The following FZD4 variants were observed in gnomAD, a reference collection of about 807,000 sequenced individuals.
The protein encoded by FZD4 is frizzled class receptor 4.
FZD4 carries 16 observed loss-of-function variants against 37.3 expected under a neutral mutation model. The ratio of observed to expected loss-of-function variants is 0.43; its 90% confidence interval spans 0.29 to 0.65. FZD4 has a LOEUF of 0.65. FZD4 is among the 30% of genes least tolerant of loss of function. The pLI, the probability that FZD4 is intolerant of heterozygous loss-of-function variation, is 0.16. For synonymous variants in FZD4, 246 were observed against 254.8 expected (o/e 0.97, Z 0.33); for missense variants, 599 against 674.3 (o/e 0.89, Z 1.24).
chr11:86,952,307 G>C lies in FZD4; in HGVS notation c.449C>G (p.Pro150Arg). The change falls in exon 2 of 2, where the codon CCA becomes CGA. Residue 150 changes from proline to arginine, a missense_variant. Physicochemically the swap from Pro to Arg is moderately radical, Grantham distance 103. Transcript: ENST00000531380. ...GCACATGTGGTTGTGGTCGTTCTGTGGTGGGAATTTGCTGCAGTTCAGACT... is the reference window on the plus strand; with the variant it reads ...GCACATGTGGTTGTGGTCGTTCTGTCGTGGGAATTTGCTGCAGTTCAGACT... ...PESLNCSKFP[P>R]QNDHNHMCME... is the part of the protein sequence containing the mutation. The C allele has an allele frequency of 2.5e-6, 4 of 1,614,142 alleles. No homozygotes were observed. Among genetic ancestry groups the C allele is most frequent in the Non-Finnish European group, 3.4e-6 (4 of 1,180,014 alleles).
chr11:86,954,562 G>A (rs1283278942), intron 1 of FZD4: 2 of 985,252 alleles, frequency 2.0e-6, no homozygotes, highest in Non-Finnish European at 2.4e-6. Flanking sequence ...AGACATGGGT[G>A]GGCAAGAGAG....
Position 86,951,900 on chromosome 11 carries a change from C to A in FZD4, c.856G>T (p.Glu286Ter), listed in dbSNP as rs1949295777. The change falls in exon 2 of 2, where the codon GAG (glutamate) becomes TAG (stop). Residue 286 changes from glutamate to a stop codon, truncating the protein, a stop_gained. Coordinates refer to ENST00000531380, the MANE Select transcript of FZD4 (RefSeq NM_012193.4). LOFTEE classifies it high-confidence loss of function. ...TGGATGAGAACAGGTTCTGCTGCCT[C>A]TTCAAAATCACAGGATATCCTTTCC... ...GRERISCDFE[E>*]AAEPVLIQEG... is the part of the protein sequence containing the mutation. 1 of 1,613,790 alleles carries A rather than the reference C, an allele frequency of 6.2e-7. No homozygotes were observed. Among genetic ancestry groups the A allele is most frequent in the African/African-American group, 1.3e-5 (1 of 75,038 alleles).
chr11:86,955,104 CAGCG>C lies in FZD4; in HGVS notation c.-23_-20del. On this transcript the variant is annotated 5_prime_UTR_variant, in exon 1 of 2. Coordinates refer to ENST00000531380, the MANE Select transcript of FZD4 (RefSeq NM_012193.4). ...AGGCCATGGCCAGCATCGGGGGTAGCAGCGGCAGCGGCTGGGGCTGCTCTGGCAG... is the reference window on the plus strand; with the variant it reads ...AGGCCATGGCCAGCATCGGGGGTAGCGCAGCGGCTGGGGCTGCTCTGGCAG... 1 of 1,466,050 alleles carries C rather than the reference CAGCG, an allele frequency of 6.8e-7. No homozygotes were observed. The highest frequency in any genetic ancestry group is 1.4e-5 in the South Asian group (1 of 70,582). 90.8% of individuals were successfully genotyped at this position (1,466,050 alleles called of 1,614,324 possible).
Position 86,954,949 on chromosome 11 carries a change from T to A in FZD4, c.137A>T (p.Asp46Val). ...CTGGCACATGGAGATGCGGATGGGG[T>A]CGCAGCGCCGCTCTTCCTCGTCCCC... ...GFGDEEERRCDPIRISMCQNL... is the reference protein window; with the variant it reads ...GFGDEEERRCVPIRISMCQNL... Residue 46 changes from aspartate (D) to valine (V), a missense_variant, in exon 1 of 2, where the codon GAC (aspartate) becomes GTC (valine). Around this residue, in one of 3 missense-constraint regions of FZD4, gnomAD observed 357 missense variants for 396.1 expected, o/e 0.90. Transcript: ENST00000531380. The A allele has an allele frequency of 6.2e-7, 1 of 1,612,582 alleles. No individual in the cohort carries two copies. The highest frequency in any genetic ancestry group is 8.5e-7 in the Non-Finnish European group (1 of 1,179,568).
In FZD4 at chr11:86,948,411, C is replaced by T. The variant is rs1949262127; in HGVS notation, c.*2731G>A. 1.3e-5 allele frequency: 2 copies of T among 151,962 alleles called. No homozygotes were observed. The allele number at this position is 151,962 out of a possible 1,614,324, so 9.4% of individuals were successfully genotyped here. On this transcript the variant is annotated 3_prime_UTR_variant, in exon 2 of 2. Transcript: ENST00000531380. ...AATAACTGATTTTTTTAACAAATAC[C>T]GATTTAAGAAGTGATGGAGTTGATT...
chr11:86,954,263 G>A, intron 1 of FZD4: 1 of 984,994 alleles, frequency 1.0e-6, no homozygotes, highest in Non-Finnish European at 1.2e-6. Context: ...TCAACTGTGA[G>A]GATAAGAAAG....
In FZD4 at chr11:86,954,783, G is replaced by T; in HGVS notation, c.285+18C>A. ...CTCCCCAAGGGGTCCCGCCAGGGGT[G>T]GGGGTGGGGGCGCCCACCTGCAGCT... On this transcript the variant is annotated intron_variant, in intron 1 of 1. Transcript: ENST00000531380. 1 of 1,589,630 alleles carries T rather than the reference G, an allele frequency of 6.3e-7. No individual in the cohort carries two copies. Among genetic ancestry groups the T allele is most frequent in the Non-Finnish European group, 8.6e-7 (1 of 1,168,612 alleles).
At position 86,951,370 on chromosome 11, in the gene FZD4, C is replaced by T; in HGVS notation, c.1386G>A (p.Trp462Ter). 1 of 1,613,970 alleles carries T rather than the reference C, an allele frequency of 6.2e-7. No homozygotes were observed. The highest frequency in any genetic ancestry group is 8.5e-7 in the Non-Finnish European group (1 of 1,179,888). ...CATCTGCAGAATACCGAAAAAGTGC[C>T]CAGTTGGAGATTTCATAAAAATAAC... ...IACYFYEISN[W>*]ALFRYSADDS... Residue 462 changes from tryptophan (W) to a stop codon, truncating the protein, a stop_gained, in exon 2 of 2, where the codon TGG becomes TGA. Coordinates refer to ENST00000531380, the MANE Select transcript of FZD4 (RefSeq NM_012193.4). LOFTEE classifies it high-confidence loss of function.
chr11:86,949,508 T>C lies in FZD4; in HGVS notation c.*1634A>G, dbSNP rs1949272030. On this transcript the variant is annotated 3_prime_UTR_variant, in exon 2 of 2. Transcript: ENST00000531380. ...AAGCAGTTGCTGAAGCAGACAGGTA[T>C]GAGTTACAAGGAGAGCAACCTGTGA... The C allele has an allele frequency of 6.6e-6, 1 of 152,268 alleles. No homozygotes were observed. The highest frequency in any genetic ancestry group is 6.5e-5 in the Admixed American group (1 of 15,278). 9.4% of individuals were successfully genotyped at this position (152,268 alleles called of 1,614,324 possible). A position where few individuals can be genotyped will look rare whatever the true frequency, so the allele number is the denominator to read the frequency against.
chr11:86,955,337 G>A lies in FZD4; in HGVS notation c.-252C>T, dbSNP rs886048736. The A allele has an allele frequency of 5.7e-5, 22 of 382,650 alleles. No homozygotes were observed. Among genetic ancestry groups the A allele is most frequent in the Non-Finnish European group, 8.8e-5 (19 of 216,736 alleles). 23.7% of individuals were successfully genotyped at this position (382,650 alleles called of 1,614,324 possible). A position where few individuals can be genotyped will look rare whatever the true frequency, so the allele number is the denominator to read the frequency against. On this transcript the variant is annotated 5_prime_UTR_variant, in exon 1 of 2. Transcript: ENST00000531380. ...GGCGGCGAGCCCACAAGCCGGCGCC[G>A]GCCGCGTCCGTTCGGCGTCTCCGCG...
rs12574787 is a variant in FZD4 at position 86,951,094 on chromosome 11, C to A, written c.*48G>T. 8.1e-6 allele frequency: 13 copies of A among 1,595,614 alleles called. No individual in the cohort carries two copies. The highest frequency in any genetic ancestry group is 1.0e-5 in the Non-Finnish European group (12 of 1,163,252). ...TTTTAGTAGAATTTCCTCCAAAATG[C>A]TGGCATTCCCCCCTTCAAAATGAAG... is the stretch of plus-strand genomic sequence containing the variant. On this transcript the variant is annotated 3_prime_UTR_variant, in exon 2 of 2. Transcript: ENST00000531380.
In FZD4 at chr11:86,947,136, G is replaced by A. The variant is rs1949250123; in HGVS notation, c.*4006C>T. ...GAGAATCACTTGAACCCAGGAGGCA[G>A]AGGTTGCAGTGAGCCAAGATCGTGC... On this transcript the variant is annotated 3_prime_UTR_variant, in exon 2 of 2. Coordinates refer to ENST00000531380, the MANE Select transcript of FZD4 (RefSeq NM_012193.4). The A allele has an allele frequency of 6.4e-6, 1 of 155,984 alleles. No individual in the cohort carries two copies. Among genetic ancestry groups the A allele is most frequent in the Admixed American group, 6.4e-5 (1 of 15,596 alleles). The allele number at this position is 155,984 out of a possible 1,614,324, so 9.7% of individuals were successfully genotyped here.
At chr11:86,952,522 T>C (rs747156359) in intron 1 of FZD4, 52 bp from the exon 2 acceptor site, 8 of 1,593,138 alleles carry the variant, frequency 5.0e-6, no homozygotes, top group East Asian at 2.2e-5. Flanking sequence ...ACTTGGAAGT[T>C]TGACCAAATG....
Position 86,946,805 on chromosome 11 carries a change from C to G in FZD4, c.*4337G>C, listed in dbSNP as rs1949246501. 6.6e-6 allele frequency: 1 copy of G among 152,204 alleles called. No homozygotes were observed. Among genetic ancestry groups the G allele is most frequent in the Non-Finnish European group, 1.5e-5 (1 of 68,032 alleles). 9.4% of individuals were successfully genotyped at this position (152,204 alleles called of 1,614,324 possible). ...CTAAACTCAAATAAAATAAAGGAAC[C>G]AATAGGATTTTCAGAGTCCAGTGAC... On this transcript the variant is annotated 3_prime_UTR_variant, in exon 2 of 2. Transcript: ENST00000531380.
At position 86,951,887 on chromosome 11, in the gene FZD4, G is replaced by A; in HGVS notation, c.869C>T (p.Pro290Leu). Reference protein sequence around the residue: ...ISCDFEEAAEPVLIQEGLKNT... With the variant: ...ISCDFEEAAELVLIQEGLKNT... ...CTTAAGTCCTTCTTGGATGAGAACA[G>A]GTTCTGCTGCCTCTTCAAAATCACA... The change falls in exon 2 of 2, where the codon CCT becomes CTT. Residue 290 changes from proline to leucine, a missense_variant. Around this residue, in one of 3 missense-constraint regions of FZD4, gnomAD observed 357 missense variants for 396.1 expected, o/e 0.90. Coordinates refer to ENST00000531380, the MANE Select transcript of FZD4 (RefSeq NM_012193.4). 6.2e-7 allele frequency: 1 copy of A among 1,613,682 alleles called. No homozygotes were observed. Among genetic ancestry groups the A allele is most frequent in the African/African-American group, 1.3e-5 (1 of 75,062 alleles).
At position 86,954,883 on chromosome 11, in the gene FZD4, C is replaced by T. The variant is rs1949323134; in HGVS notation, c.203G>A (p.Gly68Glu). 1 of 1,613,350 alleles carries T rather than the reference C, an allele frequency of 6.2e-7. No individual in the cohort carries two copies. The highest frequency in any genetic ancestry group is 1.7e-5 in the Admixed American group (1 of 59,996). Reference sequence around the variant, plus strand: ...CTCGGCGTCCGTCTGCAGCTCGTGCCCAACCAGGTTGGGCATCTTGGTCAC... The same window carrying T: ...CTCGGCGTCCGTCTGCAGCTCGTGCTCAACCAGGTTGGGCATCTTGGTCAC... The part of the protein sequence containing the change: ...YNVTKMPNLV[G>E]HELQTDAELQ... The change falls in exon 1 of 2, where the codon GGG becomes GAG. Residue 68 changes from glycine (G) to glutamate (E), a missense_variant. Physicochemically the swap from Gly to Glu is moderately conservative, Grantham distance 98. Transcript: ENST00000531380.
Position 86,955,343 on chromosome 11 carries a change from G to A in FZD4, c.-258C>T, listed in dbSNP as rs1002137019. On this transcript the variant is annotated 5_prime_UTR_variant, in exon 1 of 2. It adds an upstream start codon to the 5' untranslated region. Transcript: ENST00000531380. Reference sequence around the variant, plus strand: ...GAGCCCACAAGCCGGCGCCGGCCGCGTCCGTTCGGCGTCTCCGCGAGGCCA... The same window carrying A: ...GAGCCCACAAGCCGGCGCCGGCCGCATCCGTTCGGCGTCTCCGCGAGGCCA... The A allele has an allele frequency of 5.3e-6, 2 of 375,052 alleles. No homozygotes were observed. Among genetic ancestry groups the A allele is most frequent in the East Asian group, 8.2e-5 (2 of 24,488 alleles). The allele number at this position is 375,052 out of a possible 1,614,324, so 23.2% of individuals were successfully genotyped here. A position where few individuals can be genotyped will look rare whatever the true frequency, so the allele number is the denominator to read the frequency against.
rs1949245211 is a variant in FZD4, at chr11:86,946,638, C to CT, written c.*4503dup. On this transcript the variant is annotated 3_prime_UTR_variant, in exon 2 of 2. Transcript: ENST00000531380. ...TATGTAGGCTAGAGTGAAATGAAAT[C>CT]TATTATGTGGGGCTCCAGTATCTGA... 2.0e-5 allele frequency: 3 copies of CT among 152,562 alleles called. No individual in the cohort carries two copies. The highest frequency in any genetic ancestry group is 1.3e-4 in the Admixed American group (2 of 15,282). The allele number at this position is 152,562 out of a possible 1,614,324, so 9.5% of individuals were successfully genotyped here. A position where few individuals can be genotyped will look rare whatever the true frequency, so the allele number is the denominator to read the frequency against.
Position 86,949,425 on chromosome 11 carries a change from A to T in FZD4, c.*1717T>A, listed in dbSNP as rs1227219715. On this transcript the variant is annotated 3_prime_UTR_variant, in exon 2 of 2. Coordinates refer to ENST00000531380, the MANE Select transcript of FZD4 (RefSeq NM_012193.4). ...GTGATTGAAAAAAAAAAAAAGAAAA[A>T]AAAAAGCTTCCCTTCCTATTTTTTT... is the stretch of plus-strand genomic sequence containing the variant. 6.6e-6 allele frequency: 1 copy of T among 152,084 alleles called. No homozygotes were observed. Among genetic ancestry groups the T allele is most frequent in the East Asian group, 1.9e-4 (1 of 5,192 alleles). 9.4% of individuals were successfully genotyped at this position (152,084 alleles called of 1,614,324 possible).
Sources: allele counts gnomAD v4.1 joint callset, GRCh38; gene constraint gnomAD v4.1.1; regional missense constraint gnomAD v4.1.1; transcripts MANE v1.5; gene names NCBI Gene and HGNC (gene_info 2026-07-23, HGNC 2026-07-21).